Variants in RNF157 observed in about 807,000 individuals in gnomAD.
RNF157 encodes the protein ring finger protein 157, also known as E3 ubiquitin ligase RNF157.
Under a neutral mutation model 88.3 loss-of-function variants are expected in RNF157, and 55 were observed. The ratio of observed to expected loss-of-function variants is 0.62; its 90% CI spans 0.50 to 0.78. RNF157 has a LOEUF of 0.78. Among genes scored for constraint, RNF157 ranks in the 30% least tolerant of loss-of-function variants. The pLI is 0.00. For synonymous variants in RNF157, 334 were observed against 341.2 expected (o/e 0.98, Z 0.23); for missense variants, 788 against 860.8 (o/e 0.92, Z 1.06).
chr17:76,199,873 T>C (rs967538398), intron 2 of RNF157, among the ~76,000 whole-genome samples: 3 of 152,144 alleles, frequency 2.0e-5, no homozygotes, highest in Non-Finnish European at 4.4e-5. Context: ...ATAAAGTGCT[T>C]TTTGTAAGAA....
intron 3 of RNF157, among the ~76,000 whole-genome samples, chr17:76,168,782 G>A (rs984079060): frequency 6.6e-6 from 1 of 152,186 alleles, no homozygotes; most frequent in East Asian, 1.9e-4. Context: ...GAAAAAGGGT[G>A]TGTTGGGAAA....
intron 1 of RNF157, among the ~76,000 whole-genome samples, chr17:76,221,603 AC>A (rs2069984344): frequency 1.3e-5 from 2 of 152,262 alleles, no homozygotes; most frequent in South Asian, 4.1e-4. Flanking sequence ...ATCAACAAAA[AC>A]CAGGACTTTC....
chr17:76,146,177 T>TCTGTAGTCACGCTAACCTGGG lies in RNF157; in HGVS notation c.1922-845_1922-825dup. ...ACTTCCTGGCCGTGTTGTGACTCCATCTGTAGTCACGCTAACCTGGGCTCC... is the reference window on the plus strand; with the variant it reads ...ACTTCCTGGCCGTGTTGTGACTCCATCTGTAGTCACGCTAACCTGGGCTGTAGTCACGCTAACCTGGGCTCC... On this transcript the variant is annotated intron_variant, in intron 18 of 18. Coordinates refer to ENST00000269391, the MANE Select transcript of RNF157 (RefSeq NM_052916.3). The surrounding 1 kb of genome is among the most constrained non-coding windows in gnomAD (Gnocchi z 4.2). 1 of 181,382 alleles carries TCTGTAGTCACGCTAACCTGGG rather than the reference T, an allele frequency of 5.5e-6. No individual in the cohort carries two copies. Among genetic ancestry groups the TCTGTAGTCACGCTAACCTGGG allele is most frequent in the Non-Finnish European group, 1.1e-5 (1 of 94,842 alleles). 11.2% of individuals were successfully genotyped at this position (181,382 alleles called of 1,614,324 possible). A position where few individuals can be genotyped will look rare whatever the true frequency, so the allele number is the denominator to read the frequency against.
intron 2 of RNF157, among the ~76,000 whole-genome samples, chr17:76,210,948 G>A (rs1212916449): frequency 1.3e-5 from 2 of 152,028 alleles, no homozygotes. Context: ...GGGATTATAG[G>A]GGTGTGCCAC....
At position 76,209,643 on chromosome 17, in the gene RNF157, A is replaced by G. The variant is rs1042689294; in HGVS notation, c.207+2721T>C. On this transcript the variant is annotated intron_variant, in intron 2 of 18. Coordinates refer to ENST00000269391, the MANE Select transcript of RNF157 (RefSeq NM_052916.3). ...TTTATATCATCTTTATGGACTGAAA[A>G]GGCCAAAATTTTTTTAAAAATATAT... 5.9e-5 allele frequency among the ~76,000 whole-genome samples: 9 copies of G among 152,274 alleles called. No homozygotes were observed. The South Asian group carries it at 1.7e-3, about 28-fold the overall frequency.
At chr17:76,163,924 T>C (rs1198835013) in intron 8 of RNF157, 1 of 152,242 alleles carries the variant, frequency 6.6e-6, no homozygotes, top group East Asian at 1.9e-4. Context: ...AAAACTAATT[T>C]ATCCTAAGAT....
rs1486069081 is a variant in RNF157 at position 76,225,718 on chromosome 17, A to G, written c.89-13236T>C. The G allele has an allele frequency of 2.1e-6, 3 of 1,462,132 alleles. No homozygotes were observed. The African/African-American group carries it at 4.3e-5, about 21-fold the overall frequency. 90.6% of individuals were successfully genotyped at this position (1,462,132 alleles called of 1,614,324 possible). On this transcript the variant is annotated intron_variant, in intron 1 of 18. Transcript: ENST00000269391. ...CACAGCTACAGCAGACACTCTATGT[A>G]CAAGCACGTTGACACTCCTGACCTA...
intron 16 of RNF157, among the ~76,000 whole-genome samples, chr17:76,155,000 A>G (rs761383797): frequency 1.3e-5 from 2 of 152,198 alleles, no homozygotes; most frequent in Non-Finnish European, 2.9e-5. Flanking sequence ...CTGGCCAGAA[A>G]AGTTCCCTCT....
chr17:76,238,936 G>C (rs1214033073), intron 1 of RNF157, among the ~76,000 whole-genome samples: 1 of 152,232 alleles, frequency 6.6e-6, no homozygotes, highest in African/African-American at 2.4e-5. Context: ...AAAGCAGTGA[G>C]AAACACAGCT....
intron 1 of RNF157, among the ~76,000 whole-genome samples, chr17:76,238,976 G>C (rs2070327432): frequency 6.6e-6 from 1 of 152,218 alleles, no homozygotes; most frequent in African/African-American, 2.4e-5. Flanking sequence ...GATGCGGGCA[G>C]GTTCATCGTC....
intron 2 of RNF157, chr17:76,175,845 GA>G (rs55808760): frequency 0.039 from 36,103 of 932,260 alleles, 813 homozygotes; most frequent in African/African-American, 0.07. Context: ...TAAAAAGAAA[GA>G]AAAAAAAATC....
intron 6 of RNF157, 117 bp downstream of exon 6, chr17:76,166,344 A>T: frequency 1.2e-6 from 1 of 825,014 alleles, no homozygotes; most frequent in Non-Finnish European, 2.1e-6. Context: ...AGACTGCCTG[A>T]CTCACAGTCA....
intron 1 of RNF157, chr17:76,226,058 C>G: frequency 4.4e-6 from 7 of 1,606,268 alleles, no homozygotes; most frequent in Non-Finnish European, 5.9e-6. Flanking sequence ...ACAGAGAACA[C>G]CTGGAGATGG....
chr17:76,168,266 A>T (rs2068959417), intron 3 of RNF157, among the ~76,000 whole-genome samples: 1 of 151,992 alleles, frequency 6.6e-6, no homozygotes, highest in Admixed American at 6.6e-5. Context: ...CTCTTTCCTC[A>T]CTGTGCTCCA....
At position 76,154,188 on chromosome 17, in the gene RNF157, C is replaced by G; in HGVS notation, c.1810+95G>C. The stretch of plus-strand genomic sequence containing the variant: ...ACAGCCCCATACAACTGAGCAGCGC[C>G]ACCACGTCATACCGGTACCCTTTTC... On this transcript the variant is annotated intron_variant, in intron 17 of 18. Transcript: ENST00000269391. 3 of 887,490 alleles carry G rather than the reference C, an allele frequency of 3.4e-6. 1 individual carries two copies. In the Middle Eastern group the frequency reaches 8.5e-4, roughly 253 times the overall value. The allele number at this position is 887,490 out of a possible 1,614,324, so 55.0% of individuals were successfully genotyped here.
rs543098102 is a variant in RNF157, at chr17:76,239,764, G to A, written c.88+389C>T. On this transcript the variant is annotated intron_variant, in intron 1 of 18. Coordinates refer to ENST00000269391, the MANE Select transcript of RNF157 (RefSeq NM_052916.3). ...GCGGCCCTCGGACCCCGCGAGGCAG[G>A]TAGGCTTTGGGCCGGGCCGGCCGGG... Among the ~76,000 whole-genome samples the A allele has an allele frequency of 5.9e-4, 90 of 152,262 alleles. 1 individual carries two copies. The highest frequency in any genetic ancestry group is 3.4e-3 in the Middle Eastern group (1 of 292).
intron 1 of RNF157, chr17:76,226,677 A>C: frequency 6.2e-7 from 1 of 1,612,164 alleles, no homozygotes; most frequent in Non-Finnish European, 8.5e-7. Context: ...TGAGGTTTGA[A>C]GTGCTTGGCC....
intron 2 of RNF157, among the ~76,000 whole-genome samples, chr17:76,177,819 G>A (rs779256737): frequency 6.6e-6 from 1 of 152,068 alleles, no homozygotes; most frequent in Non-Finnish European, 1.5e-5. Flanking sequence ...ATGTCCATAA[G>A]ACCAGCTGCA....
At chr17:76,166,391 A>T (rs1036003386) in intron 6 of RNF157, 70 bp downstream of exon 6, 1 of 1,309,062 alleles carries the variant, frequency 7.6e-7, no homozygotes, top group African/African-American at 1.5e-5. Flanking sequence ...TTCTGGGGCC[A>T]CAGCTGCTGC....
Sources: gnomAD v4.1 joint callset for allele counts (sites outside exome capture counted in the v4.1 genomes callset) on GRCh38, gnomAD v4.1.1 for gene constraint, Gnocchi (gnomAD v3.1) non-coding constraint, MANE v1.5 for transcripts, NCBI Gene and HGNC (gene_info 2026-07-23, HGNC 2026-07-21) for gene names.